Variants in PHLDB2 observed in about 807,000 individuals in gnomAD.
PHLDB2 encodes the protein pleckstrin homology like domain family B member 2.
In PHLDB2, 71 loss-of-function variants were observed where a neutral mutation model predicts 123.6. The observed-to-expected ratio is 0.57, with a 90% CI of 0.47 to 0.70. PHLDB2 has a LOEUF of 0.70. PHLDB2 is among the 30% of genes least tolerant of loss of function. PHLDB2 has a pLI of 0.00. For missense variants in PHLDB2, 1,446 were observed against 1,519.5 expected, an observed-to-expected ratio of 0.95 and a Z score of 0.80; for synonymous variants, 547 against 541.6, an observed-to-expected ratio of 1.01 and a Z score of -0.14.
At chr3:111,732,897 C>T (rs1559803046) in intron 1 of PHLDB2, among the ~76,000 whole-genome samples, 1 of 152,160 alleles carries the variant, frequency 6.6e-6, no homozygotes, top group Non-Finnish European at 1.5e-5. Context: ...TCTTCTATCT[C>T]TTCTGAAAAT....
At chr3:111,858,886 C>A (rs2064641691), upstream of PHLDB2, among the ~76,000 whole-genome samples, 1 of 152,214 alleles carries the variant, frequency 6.6e-6, no homozygotes, top group Non-Finnish European at 1.5e-5. Flanking sequence ...GGGCCACCCT[C>A]GGTCTCATTC....
At position 111,797,530 on chromosome 3, in the gene PHLDB2, G is replaced by A. The variant is rs79120551; in HGVS notation, c.-48-48291G>A. Among the ~76,000 whole-genome samples, 483 of 152,268 alleles carry A rather than the reference G, an allele frequency of 3.2e-3. 1 individual carries two copies. The highest frequency in any genetic ancestry group is 0.011 in the African/African-American group (459 of 41,538). On this transcript the variant is annotated intron_variant, in intron 1 of 17. Transcript: ENST00000393923. ...AATTCAATCCATGTGTAAGGATTCC[G>A]TAAGACAGTCTGTCATGAGACAAAG...
At chr3:111,889,429 A>G (rs2066352326) in intron 2 of PHLDB2, among the ~76,000 whole-genome samples, 1 of 151,760 alleles carries the variant, frequency 6.6e-6, no homozygotes, top group African/African-American at 2.4e-5. Flanking sequence ...AGGCTGGGTG[A>G]GGTGGCTTAC....
chr3:111,958,864 A>G (rs924980331), intron 12 of PHLDB2: 2 of 399,654 alleles, frequency 5.0e-6, no homozygotes, highest in African/African-American at 4.2e-5. Context: ...CAAAAAGTAG[A>G]TGCATTCCAC....
At chr3:111,964,051 A>G (rs2107670746) in intron 13 of PHLDB2, among the ~76,000 whole-genome samples, 1 of 152,280 alleles carries the variant, frequency 6.6e-6, no homozygotes, top group South Asian at 2.1e-4. Flanking sequence ...TTTTACAGGC[A>G]TCTTCTACTT....
At chr3:111,860,314 GCTTTAA>G (rs903390442) in intron 1 of PHLDB2, among the ~76,000 whole-genome samples, 1 of 152,166 alleles carries the variant, frequency 6.6e-6, no homozygotes, top group African/African-American at 2.4e-5. Context: ...GAACCTACGA[GCTTTAA>G]CCGCCAAAAG....
rs187566550 is a variant in PHLDB2, at chr3:111,759,880, G to A, written c.-49+27177G>A. 1.6e-4 allele frequency among the ~76,000 whole-genome samples: 25 copies of A among 152,264 alleles called. 1 individual carries two copies. The South Asian group carries it at 4.1e-3, about 25-fold the overall frequency. ...ATAATTGGGTGACAATCAAGAGTTC[G>A]TTGGGAATATTGTTGGTTCATAATA... On this transcript the variant is annotated intron_variant, in intron 1 of 17. Coordinates refer to the PHLDB2 transcript ENST00000393923.
chr3:111,966,712 C>A lies in PHLDB2; in HGVS notation c.3168+9C>A. On this transcript the variant is annotated intron_variant, in intron 14 of 17. Transcript: ENST00000431670. ...GGCTGCTCGAATCCAGGGTAAGCTT[C>A]ATATTTTCATGCCGGAGGTCTGTGA... is the stretch of plus-strand genomic sequence containing the variant. 6.2e-7 allele frequency: 1 copy of A among 1,609,336 alleles called. No homozygotes were observed. Among genetic ancestry groups the A allele is most frequent in the South Asian group, 1.1e-5 (1 of 90,444 alleles).
chr3:111,974,729 G>C lies in PHLDB2; in HGVS notation c.*166G>C. The C allele has an allele frequency of 3.3e-6, 2 of 607,700 alleles. No homozygotes were observed. The highest frequency in any genetic ancestry group is 4.9e-6 in the Non-Finnish European group (2 of 406,102). The allele number at this position is 607,700 out of a possible 1,614,324, so 37.6% of individuals were successfully genotyped here. On this transcript the variant is annotated 3_prime_UTR_variant, in exon 18 of 18. Transcript: ENST00000431670. ...AAGTTATTTGTAAAAAATAAAGAAGGGGTTTTAATACAAACCTTCATAATA... is the reference window on the plus strand; with the variant it reads ...AAGTTATTTGTAAAAAATAAAGAAGCGGTTTTAATACAAACCTTCATAATA...
intron 5 of PHLDB2, among the ~76,000 whole-genome samples, chr3:111,924,562 G>T (rs531294667): frequency 4.1e-4 from 62 of 152,138 alleles, no homozygotes; most frequent in Non-Finnish European, 7.9e-4. Context: ...TAGTCACACG[G>T]CCCATCATGC....
At position 111,975,918 on chromosome 3, in the gene PHLDB2, G is replaced by A. The variant is rs996063400; in HGVS notation, c.*1355G>A. 3 of 152,646 alleles carry A rather than the reference G, an allele frequency of 2.0e-5. No homozygotes were observed. Among genetic ancestry groups the A allele is most frequent in the Non-Finnish European group, 2.9e-5 (2 of 68,044 alleles). 9.5% of individuals were successfully genotyped at this position (152,646 alleles called of 1,614,324 possible). On this transcript the variant is annotated 3_prime_UTR_variant, in exon 18 of 18. Coordinates refer to ENST00000431670, the MANE Select transcript of PHLDB2 (RefSeq NM_001134438.2). ...GGTACAATTCTTTTGTTAATTTGCA[G>A]TGTGGTTTGTATACACGTATACGTG...
At chr3:111,831,005 GAA>G (rs375939649) in intron 1 of PHLDB2, among the ~76,000 whole-genome samples, 1 of 92,904 alleles carries the variant, frequency 1.1e-5, no homozygotes, top group African/African-American at 5.8e-5. Flanking sequence ...AAGAAAGAAA[GAA>G]AGAAAGAAAG....
intron 1 of PHLDB2, among the ~76,000 whole-genome samples, chr3:111,868,873 A>C (rs189546848): frequency 7.7e-4 from 117 of 152,346 alleles, no homozygotes; most frequent in African/African-American, 2.7e-3. Context: ...ATCACAGGGA[A>C]CATGCAGCTA....
At chr3:111,800,551 G>A (rs765943010) in intron 1 of PHLDB2, among the ~76,000 whole-genome samples, 2 of 152,128 alleles carry the variant, frequency 1.3e-5, no homozygotes, top group South Asian at 2.1e-4. Flanking sequence ...TATATCTTTA[G>A]TTTCTATATT....
Position 111,920,285 on chromosome 3 carries a change from G to T in PHLDB2, c.1867G>T (p.Asp623Tyr). The T allele has an allele frequency of 6.2e-7, 1 of 1,613,494 alleles. No homozygotes were observed. Among genetic ancestry groups the T allele is most frequent in the Non-Finnish European group, 8.5e-7 (1 of 1,179,806 alleles). The part of the protein sequence containing the change: ...DQMDESFREL[D>Y]MECALLDGEQ... ...GAGCTTTGGTTTGTGTCCTTAGTTG[G>T]ATATGGAATGTGCTCTTTTGGATGG... The change falls in exon 5 of 18, where the codon GAT becomes TAT. Residue 623 changes from aspartate (D) to tyrosine (Y), a missense_variant. Physicochemically the swap from Asp to Tyr is radical, Grantham distance 160. Coordinates refer to ENST00000431670, the MANE Select transcript of PHLDB2 (RefSeq NM_001134438.2).
chr3:111,831,025 GAAAGAAAGGAAGGAAGGAAGA>G lies in PHLDB2; in HGVS notation c.-48-14793_-48-14773del, dbSNP rs1559855341. Among the ~76,000 whole-genome samples the G allele has an allele frequency of 3.8e-4, 36 of 95,998 alleles. 2 individuals carry two copies. Among genetic ancestry groups the G allele is most frequent in the African/African-American group, 1.6e-3 (36 of 21,842 alleles). 63.0% of individuals were successfully genotyped at this position (95,998 alleles called of 152,430 possible). ...AGAAAGAAAGAAAGAAAGAAAGAAAGAAAGAAAGGAAGGAAGGAAGAAAGAGAAAAGAGAGAGATAGAGAGA... is the reference window on the plus strand; with the variant it reads ...AGAAAGAAAGAAAGAAAGAAAGAAAGAAGAGAAAAGAGAGAGATAGAGAGA... On this transcript the variant is annotated intron_variant, in intron 1 of 17. Transcript: ENST00000393923.
chr3:111,800,389 CT>C (rs1183433984), intron 1 of PHLDB2, among the ~76,000 whole-genome samples: 1 of 152,070 alleles, frequency 6.6e-6, no homozygotes, highest in Non-Finnish European at 1.5e-5. Flanking sequence ...CCCTCTGTGC[CT>C]TTTGATTATT....
At chr3:111,965,665 A>G (rs1407787840) in intron 13 of PHLDB2, among the ~76,000 whole-genome samples, 1 of 152,190 alleles carries the variant, frequency 6.6e-6, no homozygotes, top group Non-Finnish European at 1.5e-5. Context: ...AGTCTAGTAA[A>G]GAAGGCAGGT....
intron 2 of PHLDB2, among the ~76,000 whole-genome samples, chr3:111,905,141 G>A (rs1358264247): frequency 6.6e-6 from 1 of 152,068 alleles, no homozygotes; most frequent in Non-Finnish European, 1.5e-5. Context: ...ACAAAGTCAT[G>A]AAAATTAAAA....
Sources: gnomAD v4.1 joint callset for allele counts (sites outside exome capture counted in the v4.1 genomes callset) on GRCh38, gnomAD v4.1.1 for gene constraint, MANE v1.5 for transcripts, NCBI Gene and HGNC (gene_info 2026-07-23, HGNC 2026-07-21) for gene names.